Variants in ANK3 observed in about 807,000 individuals in gnomAD.
The protein encoded by ANK3 is ankyrin-3.
ANK3 carries 57 observed loss-of-function variants against 370.9 expected under a neutral mutation model. That is an observed-to-expected ratio of 0.15 (90% CI 0.12 to 0.19). The LOEUF (loss-of-function observed/expected upper bound fraction) is 0.19. Ranked by LOEUF, ANK3 falls within the 10% of genes least tolerant of loss-of-function variation. The probability of loss-of-function intolerance (pLI) is 1.00; values close to 1 mark genes in which losing one functional copy is unlikely to be tolerated. For synonymous variants in ANK3, 1,929 were observed against 1,946.3 expected (o/e 0.99, Z 0.23); for missense variants, 4,439 against 5,302.1 (o/e 0.84, Z 5.06).
intron 2 of ANK3, among the ~76,000 whole-genome samples, chr10:60,512,800 A>T (rs1432914446): frequency 6.6e-6 from 1 of 152,176 alleles, no homozygotes; most frequent in African/African-American, 2.4e-5. Context: ...ATATATGCTA[A>T]TGAACAAGTA....
At chr10:60,358,239 A>G (rs1594438319) in intron 1 of ANK3, among the ~76,000 whole-genome samples, 1 of 151,976 alleles carries the variant, frequency 6.6e-6, no homozygotes, top group African/African-American at 2.4e-5. Context: ...TTACTTCTTT[A>G]TCTTGCTCCT....
intron 28 of ANK3, among the ~76,000 whole-genome samples, chr10:60,093,255 T>A (rs1042893778): frequency 2.0e-5 from 3 of 152,208 alleles, no homozygotes; most frequent in African/African-American, 7.2e-5. Flanking sequence ...GTTCTGATTA[T>A]CTGTTTAAAT....
chr10:60,141,217 G>A (rs1392332876), intron 23 of ANK3, among the ~76,000 whole-genome samples: 1 of 152,182 alleles, frequency 6.6e-6, no homozygotes, highest in Non-Finnish European at 1.5e-5. Context: ...GAAGGGAGCA[G>A]AAGTGAGACA....
intron 38 of ANK3, among the ~76,000 whole-genome samples, chr10:60,066,419 T>C (rs889256243): frequency 6.6e-6 from 1 of 152,210 alleles, no homozygotes; most frequent in Non-Finnish European, 1.5e-5. Flanking sequence ...AATATAAAGT[T>C]GATATTAGTA....
intron 2 of ANK3, among the ~76,000 whole-genome samples, chr10:60,478,699 G>C (rs887607769): frequency 6.6e-6 from 1 of 152,050 alleles, no homozygotes; most frequent in African/African-American, 2.4e-5. Context: ...TGTTTTTAAA[G>C]AGAAAAATTT....
At chr10:60,686,974 T>G (rs1280877251) in intron 1 of ANK3, among the ~76,000 whole-genome samples, 3 of 152,194 alleles carry the variant, frequency 2.0e-5, no homozygotes, top group Non-Finnish European at 4.4e-5. Context: ...CTGTATCATT[T>G]CTATGTTTAG....
At chr10:60,163,280 G>A (rs2095543003) in intron 23 of ANK3, among the ~76,000 whole-genome samples, 1 of 152,144 alleles carries the variant, frequency 6.6e-6, no homozygotes, top group South Asian at 2.1e-4. Context: ...GTATTTTCTG[G>A]AACAGGAGAC....
At chr10:60,619,597 T>C (rs548087919) in intron 1 of ANK3, among the ~76,000 whole-genome samples, 15 of 152,332 alleles carry the variant, frequency 9.8e-5, no homozygotes, top group Admixed American at 3.3e-4. Context: ...AGCACAATCA[T>C]GTGCCTAGGG....
chr10:60,411,895 A>T (rs1185231248), intron 2 of ANK3, among the ~76,000 whole-genome samples: 2 of 152,202 alleles, frequency 1.3e-5, no homozygotes, highest in Non-Finnish European at 2.9e-5. Flanking sequence ...AATTTAAAAA[A>T]ATTAGAAGAC....
chr10:60,554,264 T>C (rs2133237545), intron 2 of ANK3, among the ~76,000 whole-genome samples: 1 of 152,224 alleles, frequency 6.6e-6, no homozygotes, highest in East Asian at 1.9e-4. Context: ...TTTTTCTAAG[T>C]AAAATTCAAA....
intron 1 of ANK3, among the ~76,000 whole-genome samples, chr10:60,370,413 T>A (rs944952534): frequency 1.1e-4 from 16 of 152,284 alleles, no homozygotes; most frequent in African/African-American, 2.6e-4. Flanking sequence ...TTCCATTTTT[T>A]AAAAATCGCT....
intron 1 of ANK3, among the ~76,000 whole-genome samples, chr10:60,618,217 T>A (rs2078290028): frequency 6.6e-6 from 1 of 152,160 alleles, no homozygotes; most frequent in Non-Finnish European, 1.5e-5. Context: ...CATGCTATAA[T>A]GTAGTCAGTC....
At chr10:60,289,312 G>A (rs1345329191) in intron 1 of ANK3, among the ~76,000 whole-genome samples, 1 of 148,720 alleles carries the variant, frequency 6.7e-6, no homozygotes, top group Non-Finnish European at 1.5e-5. Flanking sequence ...CTGTTGCCCA[G>A]GCTGTATTCA....
chr10:60,298,492 A>G (rs1353847210), intron 1 of ANK3, among the ~76,000 whole-genome samples: 1 of 152,224 alleles, frequency 6.6e-6, no homozygotes, highest in Non-Finnish European at 1.5e-5. Context: ...AAAACCCAGT[A>G]CAGCAATAGT....
At chr10:60,189,985 C>T (rs1254667194) in intron 16 of ANK3, among the ~76,000 whole-genome samples, 4 of 152,124 alleles carry the variant, frequency 2.6e-5, no homozygotes, top group Admixed American at 1.3e-4. Flanking sequence ...ATCTCTTCTA[C>T]AATTAGTATC....
chr10:60,486,633 T>C (rs1367526124), intron 2 of ANK3, among the ~76,000 whole-genome samples: 1 of 152,172 alleles, frequency 6.6e-6, no homozygotes, highest in Non-Finnish European at 1.5e-5. Flanking sequence ...TGGTCACATT[T>C]TATAAGCACG....
chr10:60,299,027 C>T (rs1271923920), intron 1 of ANK3, among the ~76,000 whole-genome samples: 2 of 152,156 alleles, frequency 1.3e-5, no homozygotes, highest in African/African-American at 4.8e-5. Context: ...ATTTTTAGGA[C>T]TCACTTGCCA....
chr10:60,599,262 T>C (rs1284600818), intron 2 of ANK3, among the ~76,000 whole-genome samples: 1 of 152,116 alleles, frequency 6.6e-6, no homozygotes, highest in Admixed American at 6.6e-5. Flanking sequence ...ACTCATCAGA[T>C]GGTAAAAATT....
chr10:60,205,850 C>T lies in ANK3; in HGVS notation c.1235G>A (p.Arg412Gln), dbSNP rs267602542. 1 of 1,613,928 alleles carries T rather than the reference C, an allele frequency of 6.2e-7. No homozygotes were observed. Among genetic ancestry groups the T allele is most frequent in the Non-Finnish European group, 8.5e-7 (1 of 1,179,870 alleles). Reference protein sequence around the residue: ...TPLHIACKKNRIKVMELLLKH... With the variant: ...TPLHIACKKNQIKVMELLLKH... Reference sequence around the variant, plus strand: ...CAGAAGGAGTTCCATTACTTTAATTCGATTCTTCTTGCAGGCAATATGAAG... The same window carrying T: ...CAGAAGGAGTTCCATTACTTTAATTTGATTCTTCTTGCAGGCAATATGAAG... Residue 412 changes from arginine (R) to glutamine (Q), a missense_variant, in exon 11 of 44, where the codon CGA (arginine) becomes CAA (glutamine). Arg to Gln is a conservative substitution (Grantham distance 43). Transcript: ENST00000280772.
Sources: allele counts gnomAD v4.1 joint callset (sites outside exome capture counted in the v4.1 genomes callset), GRCh38; gene constraint gnomAD v4.1.1; transcripts MANE v1.5; gene names NCBI Gene and HGNC (gene_info 2026-07-23, HGNC 2026-07-21).